PDE4D: variants seen among roughly 807,000 people sequenced by gnomAD.
PDE4D encodes phosphodiesterase 4D, also known as 3',5'-cyclic-AMP phosphodiesterase 4D.
Under a neutral mutation model 87.4 loss-of-function variants are expected in PDE4D, and 24 were observed. That is an observed-to-expected ratio of 0.27 (90% CI 0.20 to 0.39). The LOEUF is 0.39. Among genes scored for constraint, PDE4D ranks in the 10% least tolerant of loss-of-function variants. The pLI is 1.00. For synonymous variants in PDE4D, 384 were observed against 383.2 expected, an observed-to-expected ratio of 1.00 and a Z score of -0.02; for missense variants, 714 against 1,041.0, an observed-to-expected ratio of 0.69 and a Z score of 4.32.
chr5:59,421,441 G>A (rs1424080354), intron 1 of PDE4D, among the ~76,000 whole-genome samples: 1 of 152,108 alleles, frequency 6.6e-6, no homozygotes, highest in Non-Finnish European at 1.5e-5. Context: ...GTTCACATCA[G>A]TTGGCAATAT....
At chr5:60,008,705 A>C (rs2409679) in intron 2 of PDE4D, among the ~76,000 whole-genome samples, 1 of 151,776 alleles carries the variant, frequency 6.6e-6, no homozygotes, top group Non-Finnish European at 1.5e-5. Flanking sequence ...TATTTGGGGG[A>C]AATAATGTCA....
intron 1 of PDE4D, among the ~76,000 whole-genome samples, chr5:59,685,179 T>C (rs919631614): frequency 3.3e-5 from 5 of 152,224 alleles, no homozygotes; most frequent in Non-Finnish European, 1.5e-5. Context: ...TATTTTCTAA[T>C]ACGAACATAA....
At chr5:59,267,604 C>CAGTTTTCAAAG (rs1763059308) in intron 1 of PDE4D, among the ~76,000 whole-genome samples, 1 of 152,052 alleles carries the variant, frequency 6.6e-6, no homozygotes, top group South Asian at 2.1e-4. Flanking sequence ...CACTCACTAG[C>CAGTTTTCAAAG]AGTTTTCAAA....
intron 1 of PDE4D, among the ~76,000 whole-genome samples, chr5:59,570,628 A>T (rs1821671895): frequency 1.5e-5 from 2 of 137,724 alleles, no homozygotes; most frequent in South Asian, 5.4e-4. Context: ...TCAGGAGTAT[A>T]CAATGTTGAC....
intron 1 of PDE4D, among the ~76,000 whole-genome samples, chr5:60,374,235 G>A (rs1210827633): frequency 1.3e-5 from 2 of 152,088 alleles, no homozygotes; most frequent in African/African-American, 4.8e-5. Context: ...TGGGAAAGCA[G>A]TTTTCTCCTA....
intron 1 of PDE4D, among the ~76,000 whole-genome samples, chr5:59,385,830 C>T (rs433161): frequency 0.38 from 57,331 of 151,850 alleles, 12,227 homozygotes; most frequent in African/African-American, 0.59. Context: ...CATTTCCCCA[C>T]AAACACCCTG....
chr5:60,106,514 G>C (rs1256792010), intron 2 of PDE4D, among the ~76,000 whole-genome samples: 1 of 152,090 alleles, frequency 6.6e-6, no homozygotes, highest in Non-Finnish European at 1.5e-5. Context: ...AGACCTAATA[G>C]ACATATACAG....
chr5:60,366,043 C>CAAAAA (rs201694311), intron 1 of PDE4D, among the ~76,000 whole-genome samples: 1 of 70,722 alleles, frequency 1.4e-5, no homozygotes, highest in Non-Finnish European at 3.1e-5. Context: ...GACTCTGTCT[C>CAAAAA]AAAAAAAAAA....
chr5:60,330,141 G>A (rs2149866159), intron 1 of PDE4D, among the ~76,000 whole-genome samples: 1 of 152,286 alleles, frequency 6.6e-6, no homozygotes, highest in Non-Finnish European at 1.5e-5. Flanking sequence ...TAAGATTTTT[G>A]TGAAAGGAAA....
At chr5:60,174,875 T>C (rs942596457) in intron 2 of PDE4D, among the ~76,000 whole-genome samples, 5 of 152,124 alleles carry the variant, frequency 3.3e-5, no homozygotes, top group Admixed American at 6.6e-5. Context: ...AATTTCAATA[T>C]AACATGACTC....
At chr5:59,720,406 A>T (rs1755661238) in intron 1 of PDE4D, among the ~76,000 whole-genome samples, 1 of 152,140 alleles carries the variant, frequency 6.6e-6, no homozygotes, top group Non-Finnish European at 1.5e-5. Context: ...AGCTTCCCAA[A>T]GTGTTGGTAT....
In PDE4D at chr5:58,988,444, T is replaced by C. The variant is rs901459744; in HGVS notation, c.1552+49A>G. 5 of 759,540 alleles carry C rather than the reference T, an allele frequency of 6.6e-6. No individual in the cohort carries two copies. The Admixed American group carries it at 1.2e-4, about 18-fold the overall frequency. 47.1% of individuals were successfully genotyped at this position (759,540 alleles called of 1,614,324 possible). A position where few individuals can be genotyped will look rare whatever the true frequency, so the allele number is the denominator to read the frequency against. On this transcript the variant is annotated intron_variant, in intron 11 of 14. Coordinates refer to ENST00000340635, the MANE Select transcript of PDE4D (RefSeq NM_001104631.2). ...AGTTTATAAAGACCCTTAGTCATTC[T>C]AAAATGTACAAGGGAAAAATGTGTT...
intron 1 of PDE4D, among the ~76,000 whole-genome samples, chr5:60,520,440 C>G (rs1223335937): frequency 1.3e-5 from 2 of 152,238 alleles, no homozygotes; most frequent in African/African-American, 4.8e-5. Flanking sequence ...CTTCTCTCAG[C>G]TCCTCACTTT....
intron 1 of PDE4D, among the ~76,000 whole-genome samples, chr5:60,223,154 C>T (rs773134639): frequency 6.6e-6 from 1 of 152,078 alleles, no homozygotes; most frequent in African/African-American, 2.4e-5. Context: ...ATGGAGGCAA[C>T]AGTGAGATAC....
chr5:59,656,343 A>T (rs1744356552), intron 1 of PDE4D, among the ~76,000 whole-genome samples: 1 of 152,192 alleles, frequency 6.6e-6, no homozygotes, highest in African/African-American at 2.4e-5. Context: ...ATTACAACGT[A>T]TTGGACCAAG....
intron 2 of PDE4D, among the ~76,000 whole-genome samples, chr5:59,209,500 T>G (rs1202461720): frequency 6.6e-6 from 1 of 152,198 alleles, no homozygotes; most frequent in Non-Finnish European, 1.5e-5. Context: ...TTAGCTCTAA[T>G]TCTTCAGATA....
intron 1 of PDE4D, among the ~76,000 whole-genome samples, chr5:59,518,769 T>C (rs1162005916): frequency 6.6e-6 from 1 of 152,234 alleles, no homozygotes; most frequent in Non-Finnish European, 1.5e-5. Flanking sequence ...CCCTATATAC[T>C]ATTATTAATT....
chr5:59,062,225 A>G (rs898673838), intron 5 of PDE4D, among the ~76,000 whole-genome samples: 1 of 152,166 alleles, frequency 6.6e-6, no homozygotes, highest in Non-Finnish European at 1.5e-5. Flanking sequence ...ATAACCAAAC[A>G]TATAAGATCT....
rs1183868767 is a variant in PDE4D, at chr5:59,668,898, AAGAAGAAGAAGAAGAAGAAG to A, written c.455+224250_455+224269del. On this transcript the variant is annotated intron_variant, in intron 1 of 14. Coordinates refer to ENST00000340635, the MANE Select transcript of PDE4D (RefSeq NM_001104631.2). ...GAAGAAGAAGAAGAAGAAGAAGAAG[AAGAAGAAGAAGAAGAAGAAG>A]AAGAAAGAAAGAAAGAATTAGTTCA... Among the ~76,000 whole-genome samples, 60 of 78,068 alleles carry A rather than the reference AAGAAGAAGAAGAAGAAGAAG, an allele frequency of 7.7e-4. 1 individual carries two copies. The East Asian group carries it at 0.077, about 100-fold the overall frequency. 51.2% of individuals were successfully genotyped at this position (78,068 alleles called of 152,430 possible). A position where few individuals can be genotyped will look rare whatever the true frequency, so the allele number is the denominator to read the frequency against.
Sources: allele counts gnomAD v4.1 joint callset (sites outside exome capture counted in the v4.1 genomes callset), GRCh38; gene constraint gnomAD v4.1.1; transcripts MANE v1.5; gene names NCBI Gene and HGNC (gene_info 2026-07-23, HGNC 2026-07-21).